TENT2: variants seen among roughly 807,000 people sequenced by gnomAD.
TENT2 encodes the protein poly(A) RNA polymerase GLD2.
In TENT2, 44 loss-of-function variants were observed where a neutral mutation model predicts 72.2. That is an observed-to-expected ratio of 0.61 (90% CI 0.48 to 0.78). The LOEUF (loss-of-function observed/expected upper bound fraction) is 0.78. Ranked by LOEUF, TENT2 falls within the 30% of genes least tolerant of loss-of-function variation. The probability of loss-of-function intolerance (pLI) is 0.00; values close to 1 mark genes in which losing one functional copy is unlikely to be tolerated. For synonymous variants in TENT2, 212 were observed against 192.5 expected, an observed-to-expected ratio of 1.10 and a Z score of -0.84; for missense variants, 541 against 569.6, an observed-to-expected ratio of 0.95 and a Z score of 0.51.
intron 11 of TENT2, among the ~76,000 whole-genome samples, chr5:79,659,554 ATGTATATATATATATATATATAT>A (rs1800790901): frequency 8.5e-5 from 4 of 47,288 alleles, no homozygotes; most frequent in East Asian, 1.9e-3. Flanking sequence ...AAAAAAAAAA[ATGTATATATATATATATATATAT>A]ATATATATAT....
chr5:79,650,927 G>A (rs1793440409), intron 10 of TENT2, among the ~76,000 whole-genome samples: 1 of 152,020 alleles, frequency 6.6e-6, no homozygotes, highest in African/African-American at 2.4e-5. Flanking sequence ...CAGTTCAGAG[G>A]TGAGATTGGT....
chr5:79,612,504 A>T lies in TENT2; in HGVS notation c.-609A>T, dbSNP rs1755960565. ...GGTTTTCTACGCCGCTTTTTCGGCG[A>T]CTTTTTGCTCTTCCGCTTTTTGCCA... On this transcript the variant is annotated 5_prime_UTR_variant, in exon 1 of 15. Coordinates refer to ENST00000453514, the MANE Select transcript of TENT2 (RefSeq NM_001114394.3). 6.6e-6 allele frequency: 1 copy of T among 152,610 alleles called. No homozygotes were observed. The allele number at this position is 152,610 out of a possible 1,614,324, so 9.5% of individuals were successfully genotyped here. A position where few individuals can be genotyped will look rare whatever the true frequency, so the allele number is the denominator to read the frequency against.
intron 4 of TENT2, among the ~76,000 whole-genome samples, chr5:79,631,644 G>C (rs1223613618): frequency 6.6e-6 from 1 of 152,232 alleles, no homozygotes; most frequent in Non-Finnish European, 1.5e-5. Flanking sequence ...ACATTTGGCA[G>C]TGAAAGGGAG....
At position 79,620,895 on chromosome 5, in the gene TENT2, A is replaced by T. The variant is rs552623096; in HGVS notation, c.227+812A>T. On this transcript the variant is annotated intron_variant, in intron 3 of 14. Coordinates refer to ENST00000453514, the MANE Select transcript of TENT2 (RefSeq NM_001114394.3). ...ATTGTAGTGAAAATTTCTGTGTGAC[A>T]TAAAACTTCCTATAGTCAAGTCAGG... Among the ~76,000 whole-genome samples the T allele has an allele frequency of 3.9e-5, 6 of 152,312 alleles. No homozygotes were observed. The East Asian group carries it at 9.6e-4, about 24-fold the overall frequency.
intron 7 of TENT2, 179 bp from the exon 8 acceptor site, chr5:79,644,944 G>C: frequency 2.0e-6 from 1 of 505,016 alleles, no homozygotes; most frequent in South Asian, 3.5e-5. Flanking sequence ...CCCCTAAATG[G>C]TATTACTGGA....
At chr5:79,668,717 CTACTG>C in intron 11 of TENT2, 170 bp from the exon 12 acceptor site, 1 of 598,864 alleles carries the variant, frequency 1.7e-6, no homozygotes, top group Admixed American at 3.1e-5. Flanking sequence ...ACATTCTGGT[CTACTG>C]CAAATACTGG....
At chr5:79,650,014 C>A (rs1792468967) in intron 10 of TENT2, among the ~76,000 whole-genome samples, 1 of 152,044 alleles carries the variant, frequency 6.6e-6, no homozygotes. Context: ...TGTTTAATAA[C>A]TAACCAACTG....
At chr5:79,641,912 C>A (rs1226839475) in intron 6 of TENT2, among the ~76,000 whole-genome samples, 1 of 151,786 alleles carries the variant, frequency 6.6e-6, no homozygotes, top group African/African-American at 2.4e-5. Flanking sequence ...TGTCAGCACT[C>A]AGAAAGTTTC....
chr5:79,675,833 A>G (rs1816861002), intron 12 of TENT2, among the ~76,000 whole-genome samples: 1 of 152,200 alleles, frequency 6.6e-6, no homozygotes. Context: ...TTAGCCTGGA[A>G]CTTACTAGAA....
intron 13 of TENT2, 138 bp from the exon 14 acceptor site, chr5:79,681,838 AATAAAG>A (rs1465209728): frequency 1.7e-6 from 1 of 588,910 alleles, no homozygotes; most frequent in Non-Finnish European, 3.0e-6. Flanking sequence ...ACATAAATCT[AATAAAG>A]ATATTAGGCT....
intron 12 of TENT2, 27 bp from the exon 13 acceptor site, chr5:79,679,552 A>T: frequency 6.8e-7 from 1 of 1,480,988 alleles, no homozygotes; most frequent in Non-Finnish European, 9.2e-7. Flanking sequence ...AAAATAGTTA[A>T]CATGGTTACT....
intron 4 of TENT2, among the ~76,000 whole-genome samples, chr5:79,635,980 G>A (rs1272097850): frequency 6.6e-6 from 1 of 152,172 alleles, no homozygotes; most frequent in African/African-American, 2.4e-5. Context: ...TAAATATTTA[G>A]GCACGTGGGC....
intron 12 of TENT2, among the ~76,000 whole-genome samples, chr5:79,669,838 A>G (rs927491194): frequency 6.6e-6 from 1 of 152,090 alleles, no homozygotes; most frequent in African/African-American, 2.4e-5. Flanking sequence ...TTCCGTTTAC[A>G]TAATTGTTAT....
chr5:79,616,267 T>C (rs1428180541), intron 1 of TENT2, among the ~76,000 whole-genome samples: 1 of 143,636 alleles, frequency 7.0e-6, no homozygotes, highest in Non-Finnish European at 1.5e-5. Flanking sequence ...TGCGCGATCT[T>C]GGCTCACTGC....
At chr5:79,617,631 T>G (rs907488165) in intron 1 of TENT2, 1 of 152,194 alleles carries the variant, frequency 6.6e-6, no homozygotes. Context: ...CTACATCAGA[T>G]CTCCCTTTTT....
chr5:79,659,553 AATGT>A (rs1358750875), intron 11 of TENT2, among the ~76,000 whole-genome samples: 1 of 26,858 alleles, frequency 3.7e-5, no homozygotes, highest in Non-Finnish European at 5.6e-5. Flanking sequence ...AAAAAAAAAA[AATGT>A]ATATATATAT....
At position 79,633,090 on chromosome 5, in the gene TENT2, T is replaced by A. The variant is rs191604920; in HGVS notation, c.466-7761T>A. Among the ~76,000 whole-genome samples the A allele has an allele frequency of 1.2e-4, 18 of 152,354 alleles. 2 individuals carry two copies. The East Asian group carries it at 3.5e-3, about 29-fold the overall frequency. On this transcript the variant is annotated intron_variant, in intron 4 of 14. Coordinates refer to ENST00000453514, the MANE Select transcript of TENT2 (RefSeq NM_001114394.3). Reference sequence around the variant, plus strand: ...GTTTTAGGCATGACATTTTTCTAGTTCTATTTTGTTTCAGAATTGTTTAAT... The same window carrying A: ...GTTTTAGGCATGACATTTTTCTAGTACTATTTTGTTTCAGAATTGTTTAAT...
At chr5:79,682,518 C>G (rs1179832397) in intron 14 of TENT2, among the ~76,000 whole-genome samples, 1 of 149,560 alleles carries the variant, frequency 6.7e-6, no homozygotes, top group African/African-American at 2.5e-5. Context: ...CTCCTGACTT[C>G]AGGTGATTCA....
chr5:79,651,586 G>T (rs1456493607), intron 10 of TENT2, among the ~76,000 whole-genome samples: 1 of 151,532 alleles, frequency 6.6e-6, no homozygotes, highest in African/African-American at 2.4e-5. Context: ...TCCACTTTTG[G>T]CACACACACA....
Sources: allele counts gnomAD v4.1 joint callset (sites outside exome capture counted in the v4.1 genomes callset), GRCh38; gene constraint gnomAD v4.1.1; transcripts MANE v1.5; gene names NCBI Gene and HGNC (gene_info 2026-07-23, HGNC 2026-07-21).